Variants in TTN observed in about 807,000 individuals in gnomAD.
The protein encoded by TTN is connectin.
In TTN, 1,525 loss-of-function variants were observed where a neutral mutation model predicts 3,223.0. The ratio of observed to expected loss-of-function variants is 0.47; its 90% CI spans 0.45 to 0.49. The LOEUF (loss-of-function observed/expected upper bound fraction) is 0.49, where lower values mean the gene tolerates loss of function less well. Among genes scored for constraint, TTN ranks in the 20% least tolerant of loss-of-function variants. The pLI is 0.00. For missense variants in TTN, 40,786 were observed against 43,424.0 expected, an observed-to-expected ratio of 0.94 and a Z score of 5.40; for synonymous variants, 14,094 against 15,161.0, an observed-to-expected ratio of 0.93 and a Z score of 5.17.
In TTN at chr2:178,649,560, C is replaced by G. The variant is rs1560080652; in HGVS notation, c.39967G>C (p.Ala13323Pro). The change falls in exon 212 of 363, where the codon GCT (alanine) becomes CCT (proline). Residue 13323 changes from alanine to proline, a missense_variant. Ala to Pro is a conservative substitution (Grantham distance 27). Transcript: ENST00000589042. Reference sequence around the variant, plus strand: ...CCAACGATGAAGTGAATACCTTTAGCTGCTGGTGTTTCTGGCTTCTTAACA... The same window carrying G: ...CCAACGATGAAGTGAATACCTTTAGGTGCTGGTGTTTCTGGCTTCTTAACA... ...PTVKKPETPA[A>P]KVPEVPKKLV... The G allele has an allele frequency of 2.6e-6, 4 of 1,549,680 alleles. No individual in the cohort carries two copies. Among genetic ancestry groups the G allele is most frequent in the Admixed American group, 2.0e-5 (1 of 50,942 alleles).
chr2:178,649,945 TA>T lies in TTN; in HGVS notation c.39818-52del, dbSNP rs986909859. The T allele has an allele frequency of 2.8e-5, 44 of 1,559,922 alleles. No individual in the cohort carries two copies. In the African/African-American group the frequency reaches 5.9e-4, roughly 21 times the overall value. The stretch of plus-strand genomic sequence containing the variant: ...AATTAGGTGATTACAATGAAAAATT[TA>T]ATGCTAATGAATGAATTAAAAACCA... On this transcript the variant is annotated intron_variant, in intron 210 of 362. Coordinates refer to ENST00000589042, the MANE Select transcript of TTN (RefSeq NM_001267550.2).
rs2076607215 is a variant in TTN, at chr2:178,711,219, C to T, written c.28017G>A (p.Lys9339=). The T allele has an allele frequency of 6.2e-7, 1 of 1,613,840 alleles. No homozygotes were observed. The highest frequency in any genetic ancestry group is 8.5e-7 in the Non-Finnish European group (1 of 1,179,798). The change falls in exon 97 of 363, where the codon AAG becomes AAA. Residue 9339 remains lysine, a synonymous_variant. Transcript: ENST00000589042. ...PISVSWYKDG[K]PLKDSPNVQT... ...GTACATTTGGGCTGTCTTTCAATGG[C>T]TTGCCGTCTTTATACCAAGACACGG...
rs983630096 is a variant in TTN, at chr2:178,612,074, A to C, written c.50337T>G (p.Gly16779=). 3.1e-6 allele frequency: 5 copies of C among 1,611,222 alleles called. No homozygotes were observed. In the African/African-American group the frequency reaches 6.7e-5, roughly 22 times the overall value. The change falls in exon 267 of 363, where the codon GGT becomes GGG. Residue 16779 remains glycine (G), a synonymous_variant. Coordinates refer to ENST00000589042, the MANE Select transcript of TTN (RefSeq NM_001267550.2). ...AATTCTACCTCTGTATTGGTCTTCC[A>C]CCATCATTTTTAGGTGGCTCCCACT... The part of the protein sequence containing the change: ...DLKWEPPKND[G]GRPIQRYVIE...
chr2:178,630,733 C>T, intron 238 of TTN, 71 bp downstream of exon 238: 1 of 1,547,186 alleles, frequency 6.5e-7, no homozygotes, highest in Non-Finnish European at 8.7e-7. Context: ...TGCATCCACT[C>T]TGACTTTCAC....
chr2:178,536,989 T>C lies in TTN; in HGVS notation c.100120A>G (p.Ile33374Val). ...GAGGACACTTCTAGAGGGTCACTGATGCCGAAAGTGTTCTGAGCTGAAACC... is the reference window on the plus strand; with the variant it reads ...GAGGACACTTCTAGAGGGTCACTGACGCCGAAAGTGTTCTGAGCTGAAACC... ...FRVSAQNTFG[I>V]SDPLEVSSVV... The change falls in exon 356 of 363, where the codon ATC becomes GTC. Residue 33374 changes from isoleucine (I) to valine (V), a missense_variant. Transcript: ENST00000589042. The C allele has an allele frequency of 1.2e-6, 2 of 1,613,402 alleles. No individual in the cohort carries two copies. The highest frequency in any genetic ancestry group is 1.7e-6 in the Non-Finnish European group (2 of 1,179,590).
rs2154190004 is a variant in TTN at position 178,597,832 on chromosome 2, G to GA, written c.57263-14dup. ...AGGTCAGGTGAAACTGGAAGCAATT[G>GA]AAAATTACAAATGTGATTTTTCCCC... On this transcript the variant is annotated splice_polypyrimidine_tract_variant and intron_variant, in intron 293 of 362. Transcript: ENST00000589042. The GA allele has an allele frequency of 6.2e-7, 1 of 1,612,572 alleles. No homozygotes were observed. Among genetic ancestry groups the GA allele is most frequent in the Non-Finnish European group, 8.5e-7 (1 of 1,179,376 alleles).
At chr2:178,702,316 G>A (rs878903555) in intron 107 of TTN, 71 bp from the exon 108 acceptor site, 20 of 1,603,538 alleles carry the variant, frequency 1.2e-5, no homozygotes, top group Non-Finnish European at 1.5e-5. Context: ...TTCAATATAC[G>A]TATGTGTTTA....
chr2:178,572,600 A>T lies in TTN; in HGVS notation c.73532T>A (p.Phe24511Tyr), dbSNP rs1421171705. The T allele has an allele frequency of 6.2e-7, 1 of 1,613,330 alleles. No homozygotes were observed. The highest frequency in any genetic ancestry group is 1.1e-5 in the South Asian group (1 of 91,032). The change falls in exon 326 of 363, where the codon TTT becomes TAT. Residue 24511 changes from phenylalanine to tyrosine, a missense_variant. Transcript: ENST00000589042. Reference protein sequence around the residue: ...VENSSGSKSAFVNVRVLDTPG... With the variant: ...VENSSGSKSAYVNVRVLDTPG... ...TGTATCGAGAACTCTAACATTGACAAATGCAGACTTGCTGCCTGAACTATT... is the reference window on the plus strand; with the variant it reads ...TGTATCGAGAACTCTAACATTGACATATGCAGACTTGCTGCCTGAACTATT...
intron 47 of TTN, chr2:178,744,298 A>T (rs752789736): frequency 3.1e-5 from 26 of 838,020 alleles, no homozygotes; most frequent in Non-Finnish European, 3.7e-5. Flanking sequence ...ACAAAATTAA[A>T]GTTTATTCTA....
At chr2:178,800,770 AC>A (rs1394815468) in intron 3 of TTN, 88 bp from the exon 4 acceptor site, 1 of 1,437,328 alleles carries the variant, frequency 7.0e-7, no homozygotes, top group Non-Finnish European at 9.3e-7. Context: ...CAATTCCAAA[AC>A]CAGGTGATGA....
At chr2:178,619,010 A>C (rs934111943) in intron 250 of TTN, 157 bp from the exon 251 acceptor site, 1 of 1,013,428 alleles carries the variant, frequency 9.9e-7, no homozygotes, top group Non-Finnish European at 1.4e-6. Context: ...TAGAGTTCTC[A>C]TAGCTTTTTG....
chr2:178,562,586 C>G lies in TTN; in HGVS notation c.83546G>C (p.Gly27849Ala). The change falls in exon 326 of 363, where the codon GGT (glycine) becomes GCT (alanine). Residue 27849 changes from glycine to alanine, a missense_variant. By Grantham distance (60) the Gly-to-Ala change is moderately conservative. Transcript: ENST00000589042. ...GGGTTCTGTTGTTTCAGCTGGCAAA[C>G]CAATCCCATATTCATTGGAAGCCAA... is the stretch of plus-strand genomic sequence containing the variant. ...RVLASNEYGI[G>A]LPAETTEPVK... is the part of the protein sequence containing the mutation. 1 of 1,611,014 alleles carries G rather than the reference C, an allele frequency of 6.2e-7. No individual in the cohort carries two copies. Among genetic ancestry groups the G allele is most frequent in the East Asian group, 2.2e-5 (1 of 44,824 alleles).
chr2:178,580,568 G>A lies in TTN; in HGVS notation c.66811C>T (p.Leu22271Phe), dbSNP rs2047464424. The A allele has an allele frequency of 2.5e-6, 4 of 1,612,256 alleles. No individual in the cohort carries two copies. Among genetic ancestry groups the A allele is most frequent in the Non-Finnish European group, 1.7e-6 (2 of 1,179,132 alleles). Reference sequence around the variant, plus strand: ...ATAGTAACTCCAGCACGTAATATGAGTGTCTTCCTTAAGTCCGCATCAAGT... The same window carrying A: ...ATAGTAACTCCAGCACGTAATATGAATGTCTTCCTTAAGTCCGCATCAAGT... The part of the protein sequence containing the change: ...GELDADLRKT[L>F]ILRAGVTMRL... The change falls in exon 317 of 363, where the codon CTC (leucine) becomes TTC (phenylalanine). Residue 22271 changes from leucine to phenylalanine, a missense_variant. By Grantham distance (22) the Leu-to-Phe change is conservative. Transcript: ENST00000589042.
intron 47 of TTN, chr2:178,749,522 G>C: frequency 6.2e-7 from 1 of 1,612,806 alleles, no homozygotes. Flanking sequence ...GGGAGTAAAG[G>C]GACCAGCTGG....
In TTN at chr2:178,731,869, G is replaced by A. The variant is rs2080592409; in HGVS notation, c.17006C>T (p.Thr5669Ile). 3.1e-6 allele frequency: 5 copies of A among 1,613,794 alleles called. No homozygotes were observed. The East Asian group carries it at 1.1e-4, about 36-fold the overall frequency. Residue 5669 changes from threonine (T) to isoleucine (I), a missense_variant, in exon 58 of 363, where the codon ACT becomes ATT. By Grantham distance (89) the Thr-to-Ile change is moderately conservative (BLOSUM62 -1). Transcript: ENST00000589042. The stretch of plus-strand genomic sequence containing the variant: ...CAGGATTGTGTTATCTTTGAACCAA[G>A]TGATCTCAAAGGGAGGAGTGCCTGC... ...EVAGTPPFEI[T>I]WFKDNTILRS...
At chr2:178,693,449 C>T (rs943937171) in intron 119 of TTN, among the ~76,000 whole-genome samples, 160 bp downstream of exon 119, 1 of 152,124 alleles carries the variant, frequency 6.6e-6, no homozygotes, top group Admixed American at 6.6e-5. Flanking sequence ...GTGCCTTCCT[C>T]ATGGTTCTTC....
chr2:178,637,544 TTTATA>T, intron 223 of TTN, 125 bp from the exon 224 acceptor site: 3 of 448,842 alleles, frequency 6.7e-6, no homozygotes, highest in Non-Finnish European at 1.1e-5. Flanking sequence ...ATTGGTTTCA[TTTATA>T]TGACTTCTAT....
In TTN at chr2:178,782,823, C is replaced by T. The variant is rs767205822; in HGVS notation, c.3083G>A (p.Cys1028Tyr). The T allele has an allele frequency of 1.2e-6, 2 of 1,613,110 alleles. No individual in the cohort carries two copies. The highest frequency in any genetic ancestry group is 1.1e-5 in the South Asian group (1 of 91,020). ...CCACTAACCCTGCACAGCCAGATAG[C>T]AGGATGTGCTGACGGTTCCAGCCTC... The part of the protein sequence containing the change: ...VNEAGTVSTS[C>Y]YLAVQVSEEF... Residue 1028 changes from cysteine (C) to tyrosine (Y), a missense_variant, in exon 18 of 363, where the codon TGC (cysteine) becomes TAC (tyrosine). Coordinates refer to ENST00000589042, the MANE Select transcript of TTN (RefSeq NM_001267550.2).
chr2:178,557,217 G>C (rs958901633), intron 329 of TTN, 36 bp downstream of exon 329: 21 of 1,612,580 alleles, frequency 1.3e-5, no homozygotes, highest in Non-Finnish European at 1.8e-5. Context: ...TTGCATTTTT[G>C]TTATCAGAAC....
Sources: gnomAD v4.1 joint callset for allele counts (sites outside exome capture counted in the v4.1 genomes callset) on GRCh38, gnomAD v4.1.1 for gene constraint, MANE v1.5 for transcripts, NCBI Gene and HGNC (gene_info 2026-07-23, HGNC 2026-07-21) for gene names.